LRRC38: variants seen among roughly 807,000 people sequenced by gnomAD.
LRRC38 encodes leucine-rich repeat-containing protein 38.
In LRRC38, 5 loss-of-function variants were observed where a neutral mutation model predicts 16.4. The ratio of observed to expected loss-of-function variants is 0.31; its 90% CI spans 0.16 to 0.64. The LOEUF (loss-of-function observed/expected upper bound fraction) is 0.64, where lower values mean the gene tolerates loss of function less well. Among genes scored for constraint, LRRC38 ranks in the 30% least tolerant of loss-of-function variants. The pLI is 0.80. For missense variants in LRRC38, 341 were observed against 401.8 expected, an observed-to-expected ratio of 0.85 and a Z score of 1.29; for synonymous variants, 191 against 190.2, an observed-to-expected ratio of 1.00 and a Z score of -0.04.
At chr1:13,512,919 C>A in intron 1 of LRRC38, 44 bp downstream of exon 1, 1 of 1,331,040 alleles carries the variant, frequency 7.5e-7, no homozygotes, top group South Asian at 1.4e-5. Context: ...TGGCCTCTCC[C>A]TGCCCCCCTC....
At chr1:13,480,986 T>A (rs1638846656) in intron 1 of LRRC38, among the ~76,000 whole-genome samples, 1 of 152,132 alleles carries the variant, frequency 6.6e-6, no homozygotes, top group African/African-American at 2.4e-5. Context: ...ACTAAACATT[T>A]AGATCCCCAG....
intron 1 of LRRC38, among the ~76,000 whole-genome samples, chr1:13,508,430 T>A (rs1639236473): frequency 6.6e-6 from 1 of 152,062 alleles, no homozygotes; most frequent in Non-Finnish European, 1.5e-5. Flanking sequence ...AATGACCTAT[T>A]CTCAAGGCCA....
At chr1:13,512,280 C>T (rs1262444566) in intron 1 of LRRC38, among the ~76,000 whole-genome samples, 4 of 152,194 alleles carry the variant, frequency 2.6e-5, no homozygotes, top group African/African-American at 9.6e-5. Context: ...CTGGTGTTCC[C>T]ATCTGCCAAG....
intron 1 of LRRC38, among the ~76,000 whole-genome samples, chr1:13,477,262 T>C (rs552655784): frequency 1.3e-5 from 2 of 152,372 alleles, no homozygotes; most frequent in South Asian, 4.1e-4. Flanking sequence ...GACATTCATT[T>C]ATGCCACAGA....
chr1:13,489,930 CAG>C (rs1037812336), intron 1 of LRRC38, among the ~76,000 whole-genome samples: 3 of 152,164 alleles, frequency 2.0e-5, no homozygotes, highest in African/African-American at 7.2e-5. Context: ...CCTGGCTCCA[CAG>C]AGTGTGTCCT....
At chr1:13,509,111 C>T (rs1296709198) in intron 1 of LRRC38, among the ~76,000 whole-genome samples, 3 of 152,168 alleles carry the variant, frequency 2.0e-5, no homozygotes, top group African/African-American at 7.2e-5. Flanking sequence ...ACAGGGTTCA[C>T]AGACCCAAGG....
intron 1 of LRRC38, among the ~76,000 whole-genome samples, chr1:13,480,728 C>T (rs993972835): frequency 8.5e-5 from 13 of 152,106 alleles, no homozygotes; most frequent in Non-Finnish European, 1.5e-4. Context: ...CGTGAGTTTG[C>T]TCCTCCTTCA....
rs147259737 is a variant in LRRC38 at position 13,498,118 on chromosome 1, G to A, written c.631+14845C>T. Among the ~76,000 whole-genome samples, 206 of 152,080 alleles carry A rather than the reference G, an allele frequency of 1.4e-3. 1 individual carries two copies. The highest frequency in any genetic ancestry group is 4.7e-3 in the African/African-American group (195 of 41,462). On this transcript the variant is annotated intron_variant, in intron 1 of 1. Coordinates refer to ENST00000376085, the MANE Select transcript of LRRC38 (RefSeq NM_001010847.2). ...TTGCATTCTATTTCTATCAGGACGC[G>A]CAGCCCAAGCGTTTTCAGCTCAGCG...
chr1:13,489,840 C>T (rs1345144964), intron 1 of LRRC38, among the ~76,000 whole-genome samples: 2 of 152,134 alleles, frequency 1.3e-5, no homozygotes, highest in African/African-American at 2.4e-5. Flanking sequence ...GCAGACACTT[C>T]GTCTGATTGA....
At chr1:13,486,839 C>T (rs190718794) in intron 1 of LRRC38, among the ~76,000 whole-genome samples, 60 of 152,274 alleles carry the variant, frequency 3.9e-4, no homozygotes, top group Non-Finnish European at 2.5e-4. Context: ...GATCCACCTG[C>T]CTCAACTTCC....
rs569606818 is a variant in LRRC38, at chr1:13,512,026, A to G, written c.631+937T>C. 4.6e-5 allele frequency among the ~76,000 whole-genome samples: 7 copies of G among 152,314 alleles called. No homozygotes were observed. The South Asian group carries it at 1.2e-3, about 27-fold the overall frequency. On this transcript the variant is annotated intron_variant, in intron 1 of 1. Transcript: ENST00000376085. ...TGTGCGCCTTGCAGCTGTGGTCCCA[A>G]TTCTGCTGAAATCTTGGGAGCAAGG...
chr1:13,489,783 T>C (rs925761622), intron 1 of LRRC38, among the ~76,000 whole-genome samples: 4 of 152,306 alleles, frequency 2.6e-5, no homozygotes, highest in East Asian at 1.9e-4. Context: ...ATATCGACAG[T>C]TGCATACAGG....
In LRRC38 at chr1:13,511,013, G is replaced by A. The variant is rs575057844; in HGVS notation, c.631+1950C>T. 2.1e-3 allele frequency among the ~76,000 whole-genome samples: 315 copies of A among 152,276 alleles called. 2 individuals are homozygous for A. The highest frequency in any genetic ancestry group is 6.8e-3 in the African/African-American group (284 of 41,572). ...GCACTGCACCCTGTGAGGTGCCCTG[G>A]AGCTGTGTCCGTCCTCTCCCTACTG... is the stretch of plus-strand genomic sequence containing the variant. On this transcript the variant is annotated intron_variant, in intron 1 of 1. Coordinates refer to ENST00000376085, the MANE Select transcript of LRRC38 (RefSeq NM_001010847.2).
At chr1:13,512,920 T>TGCCCCCCG in intron 1 of LRRC38, 43 bp downstream of exon 1, 2 of 1,269,030 alleles carry the variant, frequency 1.6e-6, no homozygotes, top group Non-Finnish European at 2.2e-6. Context: ...GGCCTCTCCC[T>TGCCCCCCG]GCCCCCCTCC....
intron 1 of LRRC38, among the ~76,000 whole-genome samples, chr1:13,510,627 T>C (rs1639263339): frequency 8.2e-6 from 1 of 121,254 alleles, no homozygotes; most frequent in African/African-American, 3.3e-5. Context: ...GCTGTCTCTG[T>C]GAAAAGTAGA....
intron 1 of LRRC38, among the ~76,000 whole-genome samples, chr1:13,497,962 C>CAAA (rs370605050): frequency 0.028 from 1,907 of 68,632 alleles, 61 homozygotes; most frequent in African/African-American, 0.098. Context: ...AACTCCATCA[C>CAAA]AAAAAAAAAA....
chr1:13,508,050 A>G (rs1461874701), intron 1 of LRRC38, among the ~76,000 whole-genome samples: 1 of 152,076 alleles, frequency 6.6e-6, no homozygotes, highest in Non-Finnish European at 1.5e-5. Flanking sequence ...CAGCTTTGCC[A>G]ATATGGTAAA....
intron 1 of LRRC38, among the ~76,000 whole-genome samples, chr1:13,502,546 C>CCT (rs1639163382): frequency 6.6e-6 from 1 of 152,196 alleles, no homozygotes; most frequent in African/African-American, 2.4e-5. Context: ...GGACCGTCAC[C>CCT]CTCTCTCCTT....
intron 1 of LRRC38, among the ~76,000 whole-genome samples, chr1:13,476,755 G>A (rs1198077885): frequency 2.0e-5 from 3 of 152,148 alleles, no homozygotes; most frequent in African/African-American, 7.2e-5. Context: ...GTGGAGGTTG[G>A]GGCAGATGCA....
Sources: gnomAD v4.1 joint callset for allele counts (sites outside exome capture counted in the v4.1 genomes callset) on GRCh38, gnomAD v4.1.1 for gene constraint, MANE v1.5 for transcripts, NCBI Gene and HGNC (gene_info 2026-07-23, HGNC 2026-07-21) for gene names.